Variants in CNBD1 observed in about 807,000 individuals in gnomAD.
CNBD1 encodes cyclic nucleotide-binding domain-containing protein 1.
In CNBD1, 71 loss-of-function variants were observed where a neutral mutation model predicts 54.4. The observed-to-expected ratio is 1.30, with a 90% CI of 1.08 to 1.59. The LOEUF is 1.59. Ranked by LOEUF, CNBD1 falls within the 40% of genes most tolerant of loss-of-function variation. The probability of loss-of-function intolerance (pLI) is 0.00; values close to 1 mark genes in which losing one functional copy is unlikely to be tolerated. For synonymous variants in CNBD1, 182 were observed against 170.7 expected, an observed-to-expected ratio of 1.07 and a Z score of -0.51; for missense variants, 659 against 518.0, an observed-to-expected ratio of 1.27 and a Z score of -2.64.
intron 4 of CNBD1, among the ~76,000 whole-genome samples, chr8:87,107,311 C>A (rs1373163594): frequency 6.6e-6 from 1 of 152,188 alleles, no homozygotes; most frequent in Admixed American, 6.5e-5. Flanking sequence ...TTCCAACTTT[C>A]CACTTGCTCC....
intron 8 of CNBD1, among the ~76,000 whole-genome samples, chr8:87,343,710 T>C (rs1157905251): frequency 6.6e-6 from 1 of 152,202 alleles, no homozygotes; most frequent in African/African-American, 2.4e-5. Context: ...CATATTTCTA[T>C]CAGTAATCAT....
chr8:87,271,527 G>T (rs894888030), intron 6 of CNBD1, among the ~76,000 whole-genome samples: 15 of 149,284 alleles, frequency 1.0e-4, no homozygotes, highest in African/African-American at 3.8e-4. Context: ...GGAGAATGTT[G>T]TTTAACTTCT....
chr8:86,956,524 T>C (rs1254085724), intron 4 of CNBD1, among the ~76,000 whole-genome samples: 1 of 152,220 alleles, frequency 6.6e-6, no homozygotes, highest in Non-Finnish European at 1.5e-5. Context: ...TGGTTTGTAG[T>C]TCTCCTTGAA....
intron 2 of CNBD1, among the ~76,000 whole-genome samples, chr8:87,400,974 CT>C (rs1807554315): frequency 6.6e-6 from 1 of 151,876 alleles, no homozygotes; most frequent in Non-Finnish European, 1.5e-5. Context: ...AGAAATGATT[CT>C]TGTTGAAGTC....
At position 87,368,188 on chromosome 8, in the gene CNBD1, A is replaced by G. The variant is rs114297609; in HGVS notation, c.1303+14402A>G. On this transcript the variant is annotated intron_variant, in intron 10 of 10. Coordinates refer to ENST00000518476, the MANE Select transcript of CNBD1 (RefSeq NM_173538.3). ...AAAGAAAAGAAAAGAAAAGAAAAGA[A>G]TATGTTATAGAATTTGGGTTTTGGT... is the stretch of plus-strand genomic sequence containing the variant. Among the ~76,000 whole-genome samples, 1,443 of 148,734 alleles carry G rather than the reference A, an allele frequency of 9.7e-3. 19 individuals are homozygous for G. The highest frequency in any genetic ancestry group is 0.033 in the African/African-American group (1,328 of 40,570).
intron 2 of CNBD1, among the ~76,000 whole-genome samples, chr8:87,426,102 T>C (rs958095073): frequency 1.3e-5 from 2 of 152,210 alleles, no homozygotes; most frequent in Admixed American, 6.5e-5. Flanking sequence ...CCATCACCCC[T>C]TTCTTTGACT....
At chr8:86,906,932 C>T (rs1007629010) in intron 3 of CNBD1, among the ~76,000 whole-genome samples, 14 of 152,282 alleles carry the variant, frequency 9.2e-5, no homozygotes, top group Middle Eastern at 3.4e-3. Context: ...AGAACTAGGA[C>T]GATACACTAT....
chr8:86,899,189 A>T (rs568680597), intron 2 of CNBD1, among the ~76,000 whole-genome samples: 18 of 152,148 alleles, frequency 1.2e-4, no homozygotes, highest in Admixed American at 7.9e-4. Flanking sequence ...AAATGGGGAG[A>T]TGTAGGTCAG....
At chr8:87,045,549 C>T (rs1477614344) in intron 4 of CNBD1, among the ~76,000 whole-genome samples, 1 of 151,774 alleles carries the variant, frequency 6.6e-6, no homozygotes, top group East Asian at 1.9e-4. Context: ...CATGGTAAAA[C>T]CCCGTCTCTA....
chr8:86,910,340 G>A (rs950394542), intron 3 of CNBD1, among the ~76,000 whole-genome samples: 4 of 152,076 alleles, frequency 2.6e-5, no homozygotes, highest in Non-Finnish European at 5.9e-5. Context: ...ACCTTTCTCC[G>A]TGTGGCAGGG....
intron 10 of CNBD1, among the ~76,000 whole-genome samples, chr8:87,364,497 AATTTT>A (rs35549761): frequency 0.37 from 55,849 of 150,766 alleles, 10,580 homozygotes; most frequent in Middle Eastern, 0.44. Flanking sequence ...AAATATTTTA[AATTTT>A]ATTTTATGTT....
chr8:87,386,631 T>C (rs1162343924), downstream of CNBD1, among the ~76,000 whole-genome samples: 1 of 152,160 alleles, frequency 6.6e-6, no homozygotes, highest in Non-Finnish European at 1.5e-5. Context: ...CTACATCTGA[T>C]TGCTGTACCT....
At chr8:87,225,334 G>C (rs201632359) in intron 5 of CNBD1, among the ~76,000 whole-genome samples, 1 of 151,336 alleles carries the variant, frequency 6.6e-6, no homozygotes, top group African/African-American at 2.4e-5. Context: ...TTTTCAAAGG[G>C]AATGCTTCCA....
At chr8:87,380,444 G>A (rs1488785656) in intron 10 of CNBD1, among the ~76,000 whole-genome samples, 1 of 151,856 alleles carries the variant, frequency 6.6e-6, no homozygotes, top group Non-Finnish European at 1.5e-5. Context: ...TTCAAAGCAG[G>A]TGGTGTGATG....
chr8:87,320,921 T>C (rs1235852968), intron 8 of CNBD1, among the ~76,000 whole-genome samples: 1 of 152,176 alleles, frequency 6.6e-6, no homozygotes, highest in Middle Eastern at 3.2e-3. Context: ...GCTATCAATA[T>C]GGCTATTTTA....
At chr8:87,185,510 T>C (rs1297111791) in intron 4 of CNBD1, among the ~76,000 whole-genome samples, 1 of 152,200 alleles carries the variant, frequency 6.6e-6, no homozygotes, top group Non-Finnish European at 1.5e-5. Flanking sequence ...CTTTTAGATA[T>C]TGTTAGGCAG....
intron 3 of CNBD1, among the ~76,000 whole-genome samples, chr8:86,921,267 G>A (rs1022344207): frequency 2.6e-5 from 4 of 152,040 alleles, no homozygotes; most frequent in Admixed American, 2.6e-4. Context: ...TAGAATAAAT[G>A]AAATTATTCT....
At chr8:87,181,060 G>T (rs1813301557) in intron 4 of CNBD1, among the ~76,000 whole-genome samples, 1 of 152,008 alleles carries the variant, frequency 6.6e-6, no homozygotes, top group Non-Finnish European at 1.5e-5. Flanking sequence ...GAAACGTGCT[G>T]CACACTCATC....
intron 4 of CNBD1, among the ~76,000 whole-genome samples, chr8:87,064,517 AT>A (rs894675740): frequency 1.3e-5 from 2 of 151,686 alleles, no homozygotes; most frequent in African/African-American, 4.8e-5. Flanking sequence ...CTGTCTTTTA[AT>A]TTTTTTATAT....
Sources: gnomAD v4.1 joint callset for allele counts (sites outside exome capture counted in the v4.1 genomes callset) on GRCh38, gnomAD v4.1.1 for gene constraint, MANE v1.5 for transcripts, NCBI Gene and HGNC (gene_info 2026-07-23, HGNC 2026-07-21) for gene names.